The following RBBP4 variants were observed in gnomAD, a reference collection of about 807,000 sequenced individuals.
The protein encoded by RBBP4 is RB binding protein 4, chromatin remodeling factor.
RBBP4 carries 3 observed loss-of-function variants against 57.2 expected under a neutral mutation model. The ratio of observed to expected loss-of-function variants is 0.05; its 90% CI spans 0.02 to 0.14. RBBP4 has a LOEUF of 0.14. Among genes scored for constraint, RBBP4 ranks in the 10% least tolerant of loss-of-function variants. RBBP4 has a pLI of 1.00. For missense variants in RBBP4, 107 were observed against 520.6 expected (o/e 0.21, Z 7.73); for synonymous variants, 151 against 171.5 (o/e 0.88, Z 0.93).
At chr1:32,675,543 G>A (rs1649063003) in intron 11 of RBBP4, among the ~76,000 whole-genome samples, 1 of 151,786 alleles carries the variant, frequency 6.6e-6, no homozygotes, top group African/African-American at 2.4e-5. Flanking sequence ...GCCGAGGCGG[G>A]TGGATCACAA....
At chr1:32,651,708 T>C in intron 1 of RBBP4, 2 of 788,496 alleles carry the variant, frequency 2.5e-6, no homozygotes, top group Non-Finnish European at 3.9e-6. Flanking sequence ...CCCCTTGGCC[T>C]GGAACGGGTA....
In RBBP4 at chr1:32,657,420, G is replaced by A. The variant is rs777505550; in HGVS notation, c.165-7G>A. The A allele has an allele frequency of 1.7e-5, 28 of 1,610,942 alleles. No homozygotes were observed. The highest frequency in any genetic ancestry group is 1.3e-4 in the African/African-American group (10 of 74,784). Reference sequence around the variant, plus strand: ...ATTTGAACAGTGACTATATATTGCCGTTACAGACCAGAAGGGAAAGATTTC... The same window carrying A: ...ATTTGAACAGTGACTATATATTGCCATTACAGACCAGAAGGGAAAGATTTC... On this transcript the variant is annotated splice_region_variant and splice_polypyrimidine_tract_variant and intron_variant, in intron 2 of 11. Transcript: ENST00000373493.
At chr1:32,660,138 C>CT (rs1343234767) in intron 3 of RBBP4, among the ~76,000 whole-genome samples, 17 of 152,078 alleles carry the variant, frequency 1.1e-4, no homozygotes, top group Non-Finnish European at 2.5e-4. Flanking sequence ...CCCGTATTTC[C>CT]TTTTGAGTTA....
chr1:32,668,715 C>T (rs777993319), intron 4 of RBBP4, 24 bp from the exon 5 acceptor site: 12 of 1,588,502 alleles, frequency 7.6e-6, no homozygotes, highest in Non-Finnish European at 3.5e-6. Context: ...ACTGGGTAGT[C>T]TTGATGTGTC....
chr1:32,683,577 G>T lies in RBBP4; in HGVS notation c.*3872G>T, dbSNP rs1401188715. 6.5e-6 allele frequency: 1 copy of T among 154,300 alleles called. No homozygotes were observed. Among genetic ancestry groups the T allele is most frequent in the East Asian group, 1.9e-4 (1 of 5,208 alleles). The allele number at this position is 154,300 out of a possible 1,614,324, so 9.6% of individuals were successfully genotyped here. A position where few individuals can be genotyped will look rare whatever the true frequency, so the allele number is the denominator to read the frequency against. ...GAATGCCTGACTCAGGCGTTTTGGAGGTTTGGGTTATCCCCTTGTCATTAG... is the reference window on the plus strand; with the variant it reads ...GAATGCCTGACTCAGGCGTTTTGGATGTTTGGGTTATCCCCTTGTCATTAG... On this transcript the variant is annotated 3_prime_UTR_variant, in exon 12 of 12. Coordinates refer to ENST00000373493, the MANE Select transcript of RBBP4 (RefSeq NM_005610.3).
At chr1:32,664,963 C>T (rs1034791257) in intron 3 of RBBP4, among the ~76,000 whole-genome samples, 8 of 152,008 alleles carry the variant, frequency 5.3e-5, no homozygotes, top group African/African-American at 9.7e-5. Context: ...TTTGAAAATA[C>T]TTCATTGCTA....
At chr1:32,678,204 CA>C (rs1299738339) in intron 11 of RBBP4, among the ~76,000 whole-genome samples, 3 of 152,142 alleles carry the variant, frequency 2.0e-5, no homozygotes, top group African/African-American at 7.2e-5. Context: ...CAGCCCTAGG[CA>C]GCCACCAAGC....
intron 2 of RBBP4, among the ~76,000 whole-genome samples, chr1:32,654,422 G>A (rs1279390343): frequency 6.6e-6 from 1 of 152,128 alleles, no homozygotes; most frequent in Non-Finnish European, 1.5e-5. Flanking sequence ...GAAGTGTACT[G>A]GAATGGTGAT....
chr1:32,667,933 G>A (rs1360450549), intron 3 of RBBP4, among the ~76,000 whole-genome samples: 1 of 152,118 alleles, frequency 6.6e-6, no homozygotes, highest in Non-Finnish European at 1.5e-5. Context: ...ATCTGTACAT[G>A]TTCAATACAT....
At chr1:32,666,951 A>G (rs1252375409) in intron 3 of RBBP4, among the ~76,000 whole-genome samples, 1 of 152,212 alleles carries the variant, frequency 6.6e-6, no homozygotes, top group African/African-American at 2.4e-5. Flanking sequence ...GTGACCTAGA[A>G]GGCAAGAGGT....
chr1:32,678,436 A>G (rs572377630), intron 11 of RBBP4, among the ~76,000 whole-genome samples: 23 of 152,246 alleles, frequency 1.5e-4, no homozygotes, highest in African/African-American at 5.1e-4. Flanking sequence ...CATGTTGGCC[A>G]GGCTGGTCTC....
intron 11 of RBBP4, among the ~76,000 whole-genome samples, chr1:32,678,168 C>T (rs1412447153): frequency 6.6e-6 from 1 of 152,154 alleles, no homozygotes; most frequent in African/African-American, 2.4e-5. Context: ...CATTAGCCAT[C>T]ATTTCCTATT....
chr1:32,660,383 A>G (rs951845467), intron 3 of RBBP4, among the ~76,000 whole-genome samples: 2 of 152,018 alleles, frequency 1.3e-5, no homozygotes, highest in Admixed American at 6.6e-5. Flanking sequence ...AGCTCTGGCT[A>G]CAGACATACA....
rs900628209 is a variant in RBBP4 at position 32,661,026 on chromosome 1, T to C, written c.310+3454T>C. Among the ~76,000 whole-genome samples, 6 of 152,148 alleles carry C rather than the reference T, an allele frequency of 3.9e-5. 1 individual carries two copies. Among genetic ancestry groups the C allele is most frequent in the Admixed American group, 3.9e-4 (6 of 15,274 alleles). On this transcript the variant is annotated intron_variant, in intron 3 of 11. Transcript: ENST00000373493. ...GTAGGTCTCACCACGTTGCCCAGGC[T>C]GGTCTGAAAACTCCTGGGCTCTTGC...
At position 32,668,757 on chromosome 1, in the gene RBBP4, A is replaced by T. The variant is rs373952543; in HGVS notation, c.503A>T (p.Asn168Ile). 6.2e-7 allele frequency: 1 copy of T among 1,612,888 alleles called. No homozygotes were observed. The highest frequency in any genetic ancestry group is 2.0e-4 in the Middle Eastern group (1 of 5,088). The change falls in exon 5 of 12, where the codon AAC (asparagine) becomes ATC (isoleucine). Residue 168 changes from asparagine to isoleucine, a missense_variant. This residue lies in a region of RBBP4 where 92 missense variants were observed against 408.5 expected (regional missense o/e 0.23). Transcript: ENST00000373493. ...TTTGCAGATCCTTCTGGAGAGTGCAACCCAGACTTGCGTCTCCGTGGACAT... is the reference window on the plus strand; with the variant it reads ...TTTGCAGATCCTTCTGGAGAGTGCATCCCAGACTTGCGTCTCCGTGGACAT... Reference protein sequence around the residue: ...PSKPDPSGECNPDLRLRGHQK... With the variant: ...PSKPDPSGECIPDLRLRGHQK...
chr1:32,669,411 T>G lies in RBBP4; in HGVS notation c.888+54T>G. Reference sequence around the variant, plus strand: ...ATAATTTCTCTAGGTTTTTTTGAATTGCAGAGATATTTTACTTACAGTATT... The same window carrying G: ...ATAATTTCTCTAGGTTTTTTTGAATGGCAGAGATATTTTACTTACAGTATT... On this transcript the variant is annotated intron_variant, in intron 7 of 11. Transcript: ENST00000373493. The surrounding 1 kb of genome is among the most constrained non-coding windows in gnomAD (Gnocchi z 4.9). 1 of 1,571,086 alleles carries G rather than the reference T, an allele frequency of 6.4e-7. No individual in the cohort carries two copies. The highest frequency in any genetic ancestry group is 1.2e-5 in the South Asian group (1 of 83,454).
intron 1 of RBBP4, 140 bp downstream of exon 1, chr1:32,651,462 G>C: frequency 7.3e-7 from 1 of 1,364,782 alleles, no homozygotes; most frequent in Non-Finnish European, 9.5e-7. Context: ...GGAACTCCCC[G>C]CGGGGCGTGC....
At position 32,681,740 on chromosome 1, in the gene RBBP4, A is replaced by G. The variant is rs1246958327; in HGVS notation, c.*2035A>G. The G allele has an allele frequency of 3.8e-6, 6 of 1,580,596 alleles. No homozygotes were observed. Among genetic ancestry groups the G allele is most frequent in the Non-Finnish European group, 5.2e-6 (6 of 1,152,234 alleles). ...ACTTCCACAGGATGAATTGCTTGCC[A>G]AGTTTCTGGCACTCTTGTCTGGTTG... On this transcript the variant is annotated 3_prime_UTR_variant, in exon 12 of 12. Transcript: ENST00000373493.
intron 3 of RBBP4, among the ~76,000 whole-genome samples, chr1:32,666,499 G>A (rs1360157043): frequency 6.6e-6 from 1 of 152,044 alleles, no homozygotes; most frequent in Non-Finnish European, 1.5e-5. Context: ...GGGGACTACA[G>A]GCGCCTGCCA....
Sources: allele counts gnomAD v4.1 joint callset (sites outside exome capture counted in the v4.1 genomes callset), GRCh38; gene constraint gnomAD v4.1.1; regional missense constraint gnomAD v4.1.1; non-coding constraint Gnocchi (gnomAD v3.1); transcripts MANE v1.5; gene names NCBI Gene and HGNC (gene_info 2026-07-23, HGNC 2026-07-21).